The following PCDH15 variants were observed in gnomAD, a reference collection of about 807,000 sequenced individuals.
PCDH15 encodes the protein protocadherin-15.
PCDH15 carries 129 observed loss-of-function variants against 178.5 expected under a neutral mutation model. The ratio of observed to expected loss-of-function variants is 0.72; its 90% confidence interval spans 0.63 to 0.84. The LOEUF (loss-of-function observed/expected upper bound fraction) is 0.84, where lower values mean the gene tolerates loss of function less well. PCDH15 is among the 40% of genes least tolerant of loss of function. The probability of loss-of-function intolerance (pLI) is 0.00; values close to 1 mark genes in which losing one functional copy is unlikely to be tolerated. For synonymous variants in PCDH15, 800 were observed against 732.0 expected (o/e 1.09, Z -1.50); for missense variants, 2,230 against 2,099.9 (o/e 1.06, Z -1.21).
chr10:54,143,274 G>C (rs563207877), intron 14 of PCDH15, among the ~76,000 whole-genome samples: 37 of 152,178 alleles, frequency 2.4e-4, no homozygotes, highest in African/African-American at 8.7e-4. Context: ...AATATAAGTT[G>C]TCAGTAATAA....
intron 26 of PCDH15, among the ~76,000 whole-genome samples, chr10:53,876,940 T>C (rs2080291579): frequency 6.6e-6 from 1 of 152,112 alleles, no homozygotes. Flanking sequence ...GGGTTTCGGT[T>C]AGAATTTATC....
intron 9 of PCDH15, among the ~76,000 whole-genome samples, chr10:54,225,668 A>G (rs1035773174): frequency 3.9e-5 from 6 of 152,236 alleles, no homozygotes; most frequent in African/African-American, 1.4e-4. Flanking sequence ...AACCCCTAAA[A>G]TAGAATTGAG....
At chr10:54,894,175 G>A (rs1954510971) in intron 3 of PCDH15, among the ~76,000 whole-genome samples, 1 of 152,016 alleles carries the variant, frequency 6.6e-6, no homozygotes, top group African/African-American at 2.4e-5. Context: ...CATCTAGCTG[G>A]AGAGACAACA....
chr10:54,536,501 T>C (rs1239206835), intron 2 of PCDH15, among the ~76,000 whole-genome samples: 4 of 152,188 alleles, frequency 2.6e-5, no homozygotes. Flanking sequence ...AAAAAATAAT[T>C]TCAAATTTTC....
At chr10:55,093,104 A>G (rs1332485780) in intron 2 of PCDH15, among the ~76,000 whole-genome samples, 1 of 152,214 alleles carries the variant, frequency 6.6e-6, no homozygotes, top group African/African-American at 2.4e-5. Context: ...GAAAATGTAA[A>G]AAATATGAAA....
chr10:55,109,270 A>G (rs757413755), intron 2 of PCDH15, among the ~76,000 whole-genome samples: 1 of 152,222 alleles, frequency 6.6e-6, no homozygotes, highest in Non-Finnish European at 1.5e-5. Flanking sequence ...TTGCCAAAGT[A>G]GTTTAAACTT....
intron 2 of PCDH15, among the ~76,000 whole-genome samples, chr10:55,569,355 G>A (rs1341883988): frequency 2.6e-5 from 4 of 151,846 alleles, no homozygotes; most frequent in Non-Finnish European, 4.4e-5. Flanking sequence ...AGCTTTCCAG[G>A]TCATATATAA....
chr10:54,677,989 G>C (rs1565919712), intron 1 of PCDH15, among the ~76,000 whole-genome samples: 1 of 152,010 alleles, frequency 6.6e-6, no homozygotes, highest in Non-Finnish European at 1.5e-5. Flanking sequence ...TTCCTGCCTA[G>C]AAAAATCTAT....
intron 3 of PCDH15, among the ~76,000 whole-genome samples, chr10:54,417,437 A>G (rs1954600966): frequency 6.6e-6 from 1 of 152,178 alleles, no homozygotes; most frequent in African/African-American, 2.4e-5. Context: ...ATTAAAAGAA[A>G]TAATTATCTG....
chr10:53,815,482 C>T (rs1237913590), intron 35 of PCDH15, among the ~76,000 whole-genome samples: 1 of 152,072 alleles, frequency 6.6e-6, no homozygotes, highest in African/African-American at 2.4e-5. Flanking sequence ...ATGGAGCCCT[C>T]TCCATGGAAA....
At chr10:54,004,954 A>G (rs2092331297) in intron 20 of PCDH15, among the ~76,000 whole-genome samples, 1 of 69,914 alleles carries the variant, frequency 1.4e-5, no homozygotes, top group Non-Finnish European at 4.9e-5. Context: ...ACTGGCATAA[A>G]AAAAAAAAAC....
chr10:55,274,452 T>A (rs1437855219), intron 1 of PCDH15, among the ~76,000 whole-genome samples: 1 of 152,066 alleles, frequency 6.6e-6, no homozygotes, highest in Non-Finnish European at 1.5e-5. Flanking sequence ...TCTTTCCCAA[T>A]GGGAACTAAC....
intron 2 of PCDH15, among the ~76,000 whole-genome samples, chr10:55,043,580 C>T (rs1427775651): frequency 6.6e-6 from 1 of 151,774 alleles, no homozygotes; most frequent in Non-Finnish European, 1.5e-5. Flanking sequence ...CACAGTGGTG[C>T]ATGTCTGTAG....
At chr10:54,417,719 T>C (rs1464009619) in intron 3 of PCDH15, among the ~76,000 whole-genome samples, 3 of 152,186 alleles carry the variant, frequency 2.0e-5, no homozygotes, top group Admixed American at 6.5e-5. Flanking sequence ...CTTTTTGATA[T>C]CTTAATTCCT....
chr10:55,308,076 TCA>T (rs1329496960), intron 1 of PCDH15, among the ~76,000 whole-genome samples: 2 of 152,308 alleles, frequency 1.3e-5, no homozygotes, highest in East Asian at 3.9e-4. Flanking sequence ...TTTTAATGCA[TCA>T]CAATAAATAT....
intron 8 of PCDH15, among the ~76,000 whole-genome samples, chr10:54,311,014 AT>A (rs1257528068): frequency 1.3e-5 from 2 of 152,042 alleles, no homozygotes; most frequent in Non-Finnish European, 2.9e-5. Flanking sequence ...TACTTTTCTG[AT>A]AACTGAGAAA....
chr10:54,505,249 C>T (rs2081069644), intron 3 of PCDH15, among the ~76,000 whole-genome samples: 1 of 152,032 alleles, frequency 6.6e-6, no homozygotes, highest in African/African-American at 2.4e-5. Context: ...ACATATATTA[C>T]AAAGTTATTT....
chr10:54,521,595 C>T (rs1356098938), intron 3 of PCDH15, among the ~76,000 whole-genome samples: 1 of 152,054 alleles, frequency 6.6e-6, no homozygotes, highest in Non-Finnish European at 1.5e-5. Flanking sequence ...ACAAAAATCA[C>T]TTATTAATTT....
intron 1 of PCDH15, among the ~76,000 whole-genome samples, chr10:55,247,256 T>C (rs184994552): frequency 6.6e-6 from 1 of 152,310 alleles, no homozygotes; most frequent in Admixed American, 6.5e-5. Flanking sequence ...CTATAGGTAG[T>C]TCTAGTTTTC....
Sources: allele counts gnomAD v4.1 joint callset (sites outside exome capture counted in the v4.1 genomes callset), GRCh38; gene constraint gnomAD v4.1.1; transcripts MANE v1.5; gene names NCBI Gene and HGNC (gene_info 2026-07-23, HGNC 2026-07-21).